Variants in TRIM2 observed in about 807,000 individuals in gnomAD.
The protein encoded by TRIM2 is tripartite motif-containing protein 2.
Under a neutral mutation model 75.2 loss-of-function variants are expected in TRIM2, and 20 were observed. The ratio of observed to expected loss-of-function variants is 0.27; its 90% CI spans 0.19 to 0.39. The LOEUF is 0.39. Among genes scored for constraint, TRIM2 ranks in the 10% least tolerant of loss-of-function variants. The probability of loss-of-function intolerance (pLI) is 1.00; values close to 1 mark genes in which losing one functional copy is unlikely to be tolerated. For missense variants in TRIM2, 660 were observed against 990.8 expected (o/e 0.67, Z 4.48); for synonymous variants, 373 against 388.3 (o/e 0.96, Z 0.46).
intron 6 of TRIM2, among the ~76,000 whole-genome samples, chr4:153,304,665 T>C (rs1463686930): frequency 6.6e-6 from 1 of 152,114 alleles, no homozygotes; most frequent in Non-Finnish European, 1.5e-5. Context: ...TTCCTCAAAG[T>C]GTGGTCCATA....
intron 1 of TRIM2, among the ~76,000 whole-genome samples, chr4:153,211,944 C>G (rs1307659456): frequency 6.6e-6 from 1 of 152,158 alleles, no homozygotes; most frequent in African/African-American, 2.4e-5. Context: ...TGGTTTGTTA[C>G]TGCACATCTT....
At chr4:153,238,863 T>C (rs1169998139) in intron 1 of TRIM2, among the ~76,000 whole-genome samples, 1 of 152,182 alleles carries the variant, frequency 6.6e-6, no homozygotes, top group Non-Finnish European at 1.5e-5. Flanking sequence ...ACAGACTGTC[T>C]TGTACAGAAA....
intron 1 of TRIM2, among the ~76,000 whole-genome samples, chr4:153,259,057 G>C (rs1186343302): frequency 1.3e-5 from 2 of 152,186 alleles, no homozygotes; most frequent in African/African-American, 4.8e-5. Context: ...TTTCTCCTAG[G>C]AAGACACAAG....
intron 1 of TRIM2, among the ~76,000 whole-genome samples, chr4:153,269,316 G>A (rs908229800): frequency 5.9e-5 from 9 of 152,208 alleles, no homozygotes; most frequent in African/African-American, 2.2e-4. Flanking sequence ...TGTAGGAAAT[G>A]TATGGTAGAT....
intron 1 of TRIM2, among the ~76,000 whole-genome samples, chr4:153,210,268 T>C (rs528298721): frequency 1.3e-5 from 2 of 152,072 alleles, no homozygotes; most frequent in Non-Finnish European, 2.9e-5. Context: ...TTTTGCCACA[T>C]TGGCCAGGCC....
intron 1 of TRIM2, among the ~76,000 whole-genome samples, chr4:153,251,272 G>A (rs1227864528): frequency 6.6e-6 from 1 of 152,146 alleles, no homozygotes; most frequent in Non-Finnish European, 1.5e-5. Flanking sequence ...AAGGGGCTCG[G>A]CCTCTTGGGG....
At chr4:153,187,387 A>C (rs867911619) in intron 1 of TRIM2, among the ~76,000 whole-genome samples, 59 of 152,186 alleles carry the variant, frequency 3.9e-4, no homozygotes, top group African/African-American at 1.4e-3. Context: ...GATCTTTGGA[A>C]AGGTTGTCAA....
chr4:153,301,475 G>A (rs572374810), intron 6 of TRIM2, among the ~76,000 whole-genome samples: 89 of 152,114 alleles, frequency 5.9e-4, no homozygotes, highest in Non-Finnish European at 1.1e-3. Context: ...ATCCTTTGCT[G>A]TACAGCTTTT....
intron 1 of TRIM2, among the ~76,000 whole-genome samples, chr4:153,255,370 A>G (rs932605631): frequency 3.3e-5 from 5 of 152,348 alleles, no homozygotes; most frequent in African/African-American, 9.6e-5. Flanking sequence ...ATAGGTCTCA[A>G]GAATCTGGGT....
At chr4:153,296,066 T>C (rs1389946687) in intron 6 of TRIM2, 30 bp downstream of exon 6, 1 of 1,511,856 alleles carries the variant, frequency 6.6e-7, no homozygotes, top group Non-Finnish European at 8.8e-7. Flanking sequence ...GCCCGACGCC[T>C]GAGCTGGCAC....
upstream of TRIM2, among the ~76,000 whole-genome samples, chr4:153,203,906 T>G (rs1734739831): frequency 1.3e-5 from 2 of 151,836 alleles, no homozygotes; most frequent in African/African-American, 2.4e-5. Flanking sequence ...AATAAATAAA[T>G]AAATAAATAA....
rs1738208657 is a variant in TRIM2 at position 153,215,439 on chromosome 4, T to C, written c.30+10879T>C. Among the ~76,000 whole-genome samples the C allele has an allele frequency of 6.6e-5, 10 of 152,232 alleles. No individual in the cohort carries two copies. The South Asian group carries it at 2.1e-3, about 32-fold the overall frequency. ...TGGTGCCGTTTTGCTAGAGTCCAAGTACATTTTCTGGTTTTTGTGGGCTGA... is the reference window on the plus strand; with the variant it reads ...TGGTGCCGTTTTGCTAGAGTCCAAGCACATTTTCTGGTTTTTGTGGGCTGA... On this transcript the variant is annotated intron_variant, in intron 1 of 11. Transcript: ENST00000338700.
intron 11 of TRIM2, among the ~76,000 whole-genome samples, chr4:153,333,895 T>A (rs1385240658): frequency 6.6e-6 from 1 of 152,116 alleles, no homozygotes; most frequent in Non-Finnish European, 1.5e-5. Flanking sequence ...ATAAAGGACT[T>A]GAGAATCTGA....
intron 6 of TRIM2, among the ~76,000 whole-genome samples, chr4:153,297,265 C>A (rs909172075): frequency 6.6e-6 from 1 of 152,106 alleles, no homozygotes; most frequent in African/African-American, 2.4e-5. Context: ...GCCAGATGTG[C>A]GATATGGGTG....
chr4:153,286,279 CTG>C (rs1455673384), intron 3 of TRIM2, among the ~76,000 whole-genome samples: 2 of 152,042 alleles, frequency 1.3e-5, no homozygotes, highest in African/African-American at 4.8e-5. Context: ...GGTTATTGGT[CTG>C]TAATTTTCTT....
chr4:153,209,837 T>C (rs1358986839), intron 1 of TRIM2, among the ~76,000 whole-genome samples: 2 of 152,188 alleles, frequency 1.3e-5, no homozygotes, highest in African/African-American at 4.8e-5. Flanking sequence ...ATATGGTAAG[T>C]AGTTAAGTAT....
At chr4:153,215,788 A>T (rs540218710) in intron 1 of TRIM2, among the ~76,000 whole-genome samples, 1 of 152,358 alleles carries the variant, frequency 6.6e-6, no homozygotes, top group Non-Finnish European at 1.5e-5. Context: ...AATATAAAGA[A>T]TAAGAAAATA....
At chr4:153,157,691 C>T (rs1729363874) in intron 1 of TRIM2, among the ~76,000 whole-genome samples, 1 of 152,196 alleles carries the variant, frequency 6.6e-6, no homozygotes. Context: ...TTACCCTCTG[C>T]CCCCAGCTAG....
intron 1 of TRIM2, among the ~76,000 whole-genome samples, chr4:153,263,183 G>T (rs940286548): frequency 3.3e-5 from 5 of 152,122 alleles, no homozygotes; most frequent in Non-Finnish European, 5.9e-5. Context: ...ACAAAAATTA[G>T]CTGGGTGTGG....
Sources: gnomAD v4.1 joint callset for allele counts (sites outside exome capture counted in the v4.1 genomes callset) on GRCh38, gnomAD v4.1.1 for gene constraint, MANE v1.5 for transcripts, NCBI Gene and HGNC (gene_info 2026-07-23, HGNC 2026-07-21) for gene names.